The following TDRD15 variants were observed in gnomAD, a reference collection of about 807,000 sequenced individuals.
TDRD15 encodes the protein tudor domain containing 15.
For synonymous variants in TDRD15, 503 were observed against 314.5 expected, an observed-to-expected ratio of 1.60 and a Z score of -6.34; for missense variants, 1,416 against 904.7, an observed-to-expected ratio of 1.57 and a Z score of -7.25.
In TDRD15 at chr2:21,137,736, C is replaced by T; in HGVS notation, c.269C>T (p.Thr90Ile). The change falls in exon 4 of 4, where the codon ACA (threonine) becomes ATA (isoleucine). Residue 90 changes from threonine to isoleucine, a missense_variant. Coordinates refer to ENST00000405799, the MANE Select transcript of TDRD15 (RefSeq NM_001306137.2). The stretch of plus-strand genomic sequence containing the variant: ...ATGGAAAAGAAAAATGAACTCTATA[C>T]AGTGCTCCTCATAGATCGCGGAGAA... ...RVMEKKNELYTVLLIDRGEEL... is the reference protein window; with the variant it reads ...RVMEKKNELYIVLLIDRGEEL... 1 of 716,544 alleles carries T rather than the reference C, an allele frequency of 1.4e-6. No homozygotes were observed. The highest frequency in any genetic ancestry group is 2.6e-6 in the Non-Finnish European group (1 of 384,466). 44.4% of individuals were successfully genotyped at this position (716,544 alleles called of 1,614,324 possible).
rs2103448433 is a variant in TDRD15, at chr2:21,142,898, T to C, written c.5431T>C (p.Cys1811Arg). 4.3e-6 allele frequency: 3 copies of C among 699,912 alleles called. No homozygotes were observed. The highest frequency in any genetic ancestry group is 7.9e-6 in the Non-Finnish European group (3 of 379,502). The allele number at this position is 699,912 out of a possible 1,614,324, so 43.4% of individuals were successfully genotyped here. A position where few individuals can be genotyped will look rare whatever the true frequency, so the allele number is the denominator to read the frequency against. Residue 1811 changes from cysteine (C) to arginine (R), a missense_variant, in exon 4 of 4, where the codon TGT (cysteine) becomes CGT (arginine). Coordinates refer to ENST00000405799, the MANE Select transcript of TDRD15 (RefSeq NM_001306137.2). ...TTCTGAAGTCTCACCTCAGTCTTTA[T>C]GTCTTGTGTTGGTTGACTATGGATT... ...EISEVSPQSLCLVLVDYGFSF... is the reference protein window; with the variant it reads ...EISEVSPQSLRLVLVDYGFSF...
In TDRD15 at chr2:21,137,489, C is replaced by A; in HGVS notation, c.22C>A (p.Pro8Thr). Residue 8 changes from proline (P) to threonine (T), a missense_variant, in exon 4 of 4, where the codon CCA becomes ACA. Coordinates refer to ENST00000405799, the MANE Select transcript of TDRD15 (RefSeq NM_001306137.2). Reference sequence around the variant, plus strand: ...GAAAATGGATTCTACATCTTTCTTACCAACATTTTTAGATGTGGATCTGAC... The same window carrying A: ...GAAAATGGATTCTACATCTTTCTTAACAACATTTTTAGATGTGGATCTGAC... MDSTSFL[P>T]TFLDVDLTIS... The A allele has an allele frequency of 1.5e-6, 1 of 650,798 alleles. No homozygotes were observed. Among genetic ancestry groups the A allele is most frequent in the Non-Finnish European group, 2.8e-6 (1 of 357,102 alleles). 40.3% of individuals were successfully genotyped at this position (650,798 alleles called of 1,614,324 possible). A position where few individuals can be genotyped will look rare whatever the true frequency, so the allele number is the denominator to read the frequency against.
downstream of TDRD15, among the ~76,000 whole-genome samples, chr2:21,146,055 T>G (rs537748951): frequency 2.6e-5 from 4 of 152,110 alleles, no homozygotes; most frequent in East Asian, 1.9e-4. Context: ...CTCCTGGTGA[T>G]TCTAATGCAC....
chr2:21,125,374 G>C (rs1665564929), intron 1 of TDRD15, among the ~76,000 whole-genome samples: 1 of 151,344 alleles, frequency 6.6e-6, no homozygotes, highest in Admixed American at 6.6e-5. Context: ...TAGGGTGTGT[G>C]TGAGTGTGCG....
chr2:21,132,228 G>C (rs1030495606), intron 2 of TDRD15, among the ~76,000 whole-genome samples: 3 of 152,094 alleles, frequency 2.0e-5, no homozygotes, highest in Admixed American at 6.5e-5. Context: ...TGGTGGTGGT[G>C]GTGGTGGTGA....
In TDRD15 at chr2:21,127,693, T is replaced by C. The variant is rs1447651166; in HGVS notation, c.-108T>C. 1 of 152,272 alleles carries C rather than the reference T, an allele frequency of 6.6e-6. No homozygotes were observed. Among genetic ancestry groups the C allele is most frequent in the East Asian group, 1.9e-4 (1 of 5,206 alleles). The allele number at this position is 152,272 out of a possible 1,614,324, so 9.4% of individuals were successfully genotyped here. A position where few individuals can be genotyped will look rare whatever the true frequency, so the allele number is the denominator to read the frequency against. ...CAGTGTCTTGAGTGCTGTAACTTTA[T>C]AATTAGTCTTAAACTCAGGTAAGCA... On this transcript the variant is annotated 5_prime_UTR_variant, in exon 2 of 4. Transcript: ENST00000405799.
At position 21,137,947 on chromosome 2, in the gene TDRD15, A is replaced by G; in HGVS notation, c.480A>G (p.Leu160=). Reference sequence around the variant, plus strand: ...TGAAAGGTTATGTGCAAGCTATTTTACCTCTGCAAATGTTTCTTTTTGAAG... The same window carrying G: ...TGAAAGGTTATGTGCAAGCTATTTTGCCTCTGCAAATGTTTCTTTTTGAAG... The part of the protein sequence containing the change: ...IQVKGYVQAI[L]PLQMFLFEVP... Residue 160 remains leucine, a synonymous_variant, in exon 4 of 4, where the codon TTA becomes TTG. Transcript: ENST00000405799. 1.4e-6 allele frequency: 1 copy of G among 716,884 alleles called. No individual in the cohort carries two copies. The allele number at this position is 716,884 out of a possible 1,614,324, so 44.4% of individuals were successfully genotyped here. A position where few individuals can be genotyped will look rare whatever the true frequency, so the allele number is the denominator to read the frequency against.
rs185420394 is a variant in TDRD15 at position 21,140,990 on chromosome 2, A to G, written c.3523A>G (p.Asn1175Asp). The G allele has an allele frequency of 1.5e-3, 1,080 of 714,204 alleles. 19 individuals are homozygous for G. In the Admixed American group the frequency reaches 0.02, roughly 13 times the overall value. 44.2% of individuals were successfully genotyped at this position (714,204 alleles called of 1,614,324 possible). ...TACTTCTTTGAAAGGCAAAACAGGA[A>G]ACAACTATCGCCATAATGTGATAAA... ...FTTSLKGKTG[N>D]NYRHNVINKP... Residue 1175 changes from asparagine (N) to aspartate (D), a missense_variant, in exon 4 of 4, where the codon AAC becomes GAC. By Grantham distance (23) the Asn-to-Asp change is conservative. Transcript: ENST00000405799.
chr2:21,139,532 A>C lies in TDRD15; in HGVS notation c.2065A>C (p.Lys689Gln). 2 of 701,248 alleles carry C rather than the reference A, an allele frequency of 2.9e-6. No individual in the cohort carries two copies. The highest frequency in any genetic ancestry group is 5.3e-6 in the Non-Finnish European group (2 of 380,546). The allele number at this position is 701,248 out of a possible 1,614,324, so 43.4% of individuals were successfully genotyped here. A position where few individuals can be genotyped will look rare whatever the true frequency, so the allele number is the denominator to read the frequency against. Residue 689 changes from lysine to glutamine, a missense_variant, in exon 4 of 4, where the codon AAA becomes CAA. Coordinates refer to ENST00000405799, the MANE Select transcript of TDRD15 (RefSeq NM_001306137.2). ...YSMLNSESKN[K>Q]VNIKKVISAL... ...AATGCTAAATTCAGAATCTAAAAAC[A>C]AAGTTAATATTAAAAAAGTCATATC...
chr2:21,141,582 C>A lies in TDRD15; in HGVS notation c.4115C>A (p.Ser1372Tyr). 1 of 713,852 alleles carries A rather than the reference C, an allele frequency of 1.4e-6. No homozygotes were observed. The allele number at this position is 713,852 out of a possible 1,614,324, so 44.2% of individuals were successfully genotyped here. Reference sequence around the variant, plus strand: ...ATTAAGAAAATTTTGCCAGGAAATTCTTTTGAAGTAGAATTTATTGACTAT... The same window carrying A: ...ATTAAGAAAATTTTGCCAGGAAATTATTTTGAAGTAGAATTTATTGACTAT... ...AVIKKILPGN[S>Y]FEVEFIDYGN... is the part of the protein sequence containing the mutation. Residue 1372 changes from serine (S) to tyrosine (Y), a missense_variant, in exon 4 of 4, where the codon TCT (serine) becomes TAT (tyrosine). Physicochemically the swap from Ser to Tyr is moderately radical, Grantham distance 144. Transcript: ENST00000405799.
intron 2 of TDRD15, among the ~76,000 whole-genome samples, chr2:21,132,768 C>A (rs925759261): frequency 1.3e-5 from 2 of 152,020 alleles, no homozygotes; most frequent in African/African-American, 4.8e-5. Flanking sequence ...CTTGTATTTT[C>A]TTCTAATTCT....
chr2:21,141,274 A>G lies in TDRD15; in HGVS notation c.3807A>G (p.Gln1269=), dbSNP rs1397418244. ...VSQSFIRALN[Q]TTSQNPYDLI... is the part of the protein sequence containing the mutation. ...AGTCTTTTATCAGAGCATTAAATCA[A>G]ACAACCTCACAAAACCCATATGACC... Residue 1269 remains glutamine, a synonymous_variant, in exon 4 of 4, where the codon CAA becomes CAG. Coordinates refer to ENST00000405799, the MANE Select transcript of TDRD15 (RefSeq NM_001306137.2). 5.6e-6 allele frequency: 4 copies of G among 711,828 alleles called. No individual in the cohort carries two copies. Among genetic ancestry groups the G allele is most frequent in the East Asian group, 2.7e-5 (1 of 37,268 alleles). The allele number at this position is 711,828 out of a possible 1,614,324, so 44.1% of individuals were successfully genotyped here. A position where few individuals can be genotyped will look rare whatever the true frequency, so the allele number is the denominator to read the frequency against.
At position 21,134,099 on chromosome 2, in the gene TDRD15, T is replaced by C. The variant is rs577702060; in HGVS notation, c.-89-663T>C. Among the ~76,000 whole-genome samples the C allele has an allele frequency of 1.7e-3, 263 of 152,054 alleles. 1 individual carries two copies. Among genetic ancestry groups the C allele is most frequent in the African/African-American group, 5.4e-3 (223 of 41,542 alleles). On this transcript the variant is annotated intron_variant, in intron 2 of 3. Coordinates refer to ENST00000405799, the MANE Select transcript of TDRD15 (RefSeq NM_001306137.2). ...TTGTTTGATGTTAATTTATAGAAGA[T>C]AAACTCCAATGAGTGCCATTATCTA...
At position 21,137,861 on chromosome 2, in the gene TDRD15, G is replaced by A. The variant is rs530827415; in HGVS notation, c.394G>A (p.Val132Ile). 9.8e-5 allele frequency: 70 copies of A among 715,798 alleles called. No homozygotes were observed. Among genetic ancestry groups the A allele is most frequent in the Admixed American group, 1.4e-4 (7 of 49,830 alleles). 44.3% of individuals were successfully genotyped at this position (715,798 alleles called of 1,614,324 possible). Reference protein sequence around the residue: ...VFGIFANILPVGEKWSPKALN... With the variant: ...VFGIFANILPIGEKWSPKALN... ...TGGTATTTTTGCGAATATACTACCA[G>A]TTGGGGAAAAATGGTCCCCTAAAGC... is the stretch of plus-strand genomic sequence containing the variant. Residue 132 changes from valine to isoleucine, a missense_variant, in exon 4 of 4, where the codon GTT (valine) becomes ATT (isoleucine). By Grantham distance (29) the Val-to-Ile change is conservative (BLOSUM62 3). Transcript: ENST00000405799.
chr2:21,126,350 A>C (rs909325680), intron 1 of TDRD15, among the ~76,000 whole-genome samples: 2 of 151,604 alleles, frequency 1.3e-5, no homozygotes, highest in Non-Finnish European at 2.9e-5. Context: ...TGTTTTTATG[A>C]GTATCAGTGT....
chr2:21,134,431 C>G (rs528347573), intron 2 of TDRD15, among the ~76,000 whole-genome samples: 2 of 151,964 alleles, frequency 1.3e-5, no homozygotes, highest in South Asian at 2.1e-4. Context: ...TTTTGTTTGA[C>G]TCTGTGTTGG....
Position 21,141,462 on chromosome 2 carries a change from C to T in TDRD15, c.3995C>T (p.Ala1332Val), listed in dbSNP as rs762379839. 1 of 713,192 alleles carries T rather than the reference C, an allele frequency of 1.4e-6. No homozygotes were observed. Among genetic ancestry groups the T allele is most frequent in the South Asian group, 1.5e-5 (1 of 66,882 alleles). 44.2% of individuals were successfully genotyped at this position (713,192 alleles called of 1,614,324 possible). A position where few individuals can be genotyped will look rare whatever the true frequency, so the allele number is the denominator to read the frequency against. Reference sequence around the variant, plus strand: ...CTTGCTGATGCTCTAAATGCAACAGCAAGGAGATTGAGAGAGAGAAAATCA... The same window carrying T: ...CTTGCTGATGCTCTAAATGCAACAGTAAGGAGATTGAGAGAGAGAAAATCA... ...IRLADALNAT[A>V]RRLRERKSVK... Residue 1332 changes from alanine (A) to valine (V), a missense_variant, in exon 4 of 4, where the codon GCA becomes GTA. By Grantham distance (64) the Ala-to-Val change is moderately conservative. Transcript: ENST00000405799.
In TDRD15 at chr2:21,137,677, A is replaced by C; in HGVS notation, c.210A>C (p.Glu70Asp). The part of the protein sequence containing the change: ...VEIDEFCLVE[E>D]RVSGEWQRGR... ...TTGATGAATTTTGTTTGGTGGAAGA[A>C]AGAGTATCTGGAGAATGGCAGAGAG... The change falls in exon 4 of 4, where the codon GAA (glutamate) becomes GAC (aspartate). Residue 70 changes from glutamate (E) to aspartate (D), a missense_variant. By Grantham distance (45) the Glu-to-Asp change is conservative. Coordinates refer to ENST00000405799, the MANE Select transcript of TDRD15 (RefSeq NM_001306137.2). 1.4e-6 allele frequency: 1 copy of C among 714,628 alleles called. No homozygotes were observed. Among genetic ancestry groups the C allele is most frequent in the Non-Finnish European group, 2.6e-6 (1 of 383,684 alleles). 44.3% of individuals were successfully genotyped at this position (714,628 alleles called of 1,614,324 possible). A position where few individuals can be genotyped will look rare whatever the true frequency, so the allele number is the denominator to read the frequency against.
At position 21,142,808 on chromosome 2, in the gene TDRD15, A is replaced by G. The variant is rs1176116845; in HGVS notation, c.5341A>G (p.Ile1781Val). ...ETLQTLPQEFIIPGSSCLFKY... is the reference protein window; with the variant it reads ...ETLQTLPQEFVIPGSSCLFKY... Reference sequence around the variant, plus strand: ...CTTACAAACATTGCCTCAGGAGTTCATAATTCCCGGTTCTAGTTGTTTGTT... The same window carrying G: ...CTTACAAACATTGCCTCAGGAGTTCGTAATTCCCGGTTCTAGTTGTTTGTT... The change falls in exon 4 of 4, where the codon ATA becomes GTA. Residue 1781 changes from isoleucine (I) to valine (V), a missense_variant. Transcript: ENST00000405799. 3 of 715,120 alleles carry G rather than the reference A, an allele frequency of 4.2e-6. No individual in the cohort carries two copies. In the Admixed American group the frequency reaches 6.0e-5, roughly 14 times the overall value. The allele number at this position is 715,120 out of a possible 1,614,324, so 44.3% of individuals were successfully genotyped here. A position where few individuals can be genotyped will look rare whatever the true frequency, so the allele number is the denominator to read the frequency against.
Sources: allele counts gnomAD v4.1 joint callset (sites outside exome capture counted in the v4.1 genomes callset), GRCh38; gene constraint gnomAD v4.1.1; transcripts MANE v1.5; gene names NCBI Gene and HGNC (gene_info 2026-07-23, HGNC 2026-07-21).